HOXC5: variants seen among roughly 807,000 people sequenced by gnomAD.
HOXC5 encodes the protein homeobox C5, also known as homeobox protein Hox-C5.
In HOXC5, 19 loss-of-function variants were observed where a neutral mutation model predicts 20.1. The observed-to-expected ratio is 0.94, with a 90% CI of 0.66 to 1.38. The LOEUF (loss-of-function observed/expected upper bound fraction) is 1.38, where lower values mean the gene tolerates loss of function less well. Ranked by LOEUF, HOXC5 falls within the 40% of genes most tolerant of loss-of-function variation. The pLI is 0.00. For synonymous variants in HOXC5, 124 were observed against 117.0 expected (o/e 1.06, Z -0.39); for missense variants, 330 against 300.1 (o/e 1.10, Z -0.74).
chr12:54,023,927 T>G, the HOXC5 span, among the ~76,000 whole-genome samples: 1 of 152,164 alleles, frequency 6.6e-6, no homozygotes, highest in Non-Finnish European at 1.5e-5. Flanking sequence ...AGGAGGCTCT[T>G]TGCGATCTGA....
chr12:54,029,642 C>G (rs766189183), upstream of HOXC5: 13 of 1,607,570 alleles, frequency 8.1e-6, no homozygotes, highest in South Asian at 1.4e-4. Context: ...GTGTTTTGTG[C>G]CCGGATCTTT....
At position 54,034,499 on chromosome 12, in the gene HOXC5, CG is replaced by C. The variant is rs1941126771; in HGVS notation, c.*12del. ...AAGCAAAGAGGCTCTTTAGAGGCAG[CG>C]GGGGAGGCCCGCAGAGCGCGCCCCT... On this transcript the variant is annotated 3_prime_UTR_variant, in exon 2 of 2. Transcript: ENST00000312492. 1 of 1,609,868 alleles carries C rather than the reference CG, an allele frequency of 6.2e-7. No individual in the cohort carries two copies. Among genetic ancestry groups the C allele is most frequent in the Non-Finnish European group, 8.5e-7 (1 of 1,177,598 alleles).
At chr12:54,032,136 T>C (rs1241449138), upstream of HOXC5, among the ~76,000 whole-genome samples, 1 of 152,234 alleles carries the variant, frequency 6.6e-6, no homozygotes, top group African/African-American at 2.4e-5. Context: ...CTCTAGACCA[T>C]TGTCTGGCTC....
chr12:54,032,764 T>G (rs1350827495), upstream of HOXC5: 3 of 168,506 alleles, frequency 1.8e-5, no homozygotes, highest in African/African-American at 2.4e-5. Flanking sequence ...GCTGTGGGCT[T>G]GTTGTCCCGG....
At chr12:54,028,030 C>G in the HOXC5 span, among the ~76,000 whole-genome samples, 3 of 152,028 alleles carry the variant, frequency 2.0e-5, no homozygotes, top group African/African-American at 7.3e-5. Context: ...GAGTTCTTCC[C>G]TTGGAGAAAT....
the HOXC5 span, among the ~76,000 whole-genome samples, chr12:54,027,399 C>A: frequency 1.3e-5 from 2 of 152,322 alleles, no homozygotes; most frequent in Admixed American, 1.3e-4. Flanking sequence ...CTTGAGCCTG[C>A]AGGAAGCTAA....
upstream of HOXC5, among the ~76,000 whole-genome samples, chr12:54,031,501 T>A (rs1000764885): frequency 1.3e-5 from 2 of 152,166 alleles, no homozygotes; most frequent in Non-Finnish European, 2.9e-5. Context: ...TACTTTTCTC[T>A]CCTCAAACGG....
chr12:54,028,603 T>A, upstream of HOXC5: 1 of 1,613,974 alleles, frequency 6.2e-7, no homozygotes, highest in South Asian at 1.1e-5. Flanking sequence ...CGCCCTCAAT[T>A]CCACCGCCTA....
At chr12:54,019,292 C>T in the HOXC5 span, among the ~76,000 whole-genome samples, 1 of 151,876 alleles carries the variant, frequency 6.6e-6, no homozygotes, top group Non-Finnish European at 1.5e-5. Flanking sequence ...ATGGGCCCAG[C>T]CCGCCGCCTG....
Position 54,034,919 on chromosome 12 carries a change from C to A in HOXC5, c.*427C>A. The A allele has an allele frequency of 4.6e-6, 1 of 216,524 alleles. No individual in the cohort carries two copies. Among genetic ancestry groups the A allele is most frequent in the Non-Finnish European group, 9.4e-6 (1 of 106,680 alleles). 13.4% of individuals were successfully genotyped at this position (216,524 alleles called of 1,614,324 possible). On this transcript the variant is annotated 3_prime_UTR_variant, in exon 2 of 2. Coordinates refer to ENST00000312492, the MANE Select transcript of HOXC5 (RefSeq NM_018953.4). ...ACCTCGCCCTCTCCTTTGTTCCCGG[C>A]TGGACGGGTTAGACAGCCAAAGGCT...
chr12:54,031,830 C>A (rs1176013979), upstream of HOXC5, among the ~76,000 whole-genome samples: 2 of 152,148 alleles, frequency 1.3e-5, no homozygotes, highest in African/African-American at 4.8e-5. Flanking sequence ...GCTGCAGATA[C>A]CCTGCGAAGG....
chr12:54,034,139 C>T (rs1382441097), intron 1 of HOXC5, 139 bp from the exon 2 acceptor site: 3 of 847,184 alleles, frequency 3.5e-6, no homozygotes, highest in Non-Finnish European at 6.0e-6. Flanking sequence ...GCTGGCCCGC[C>T]TGCGGCCCGC....
Position 54,034,287 on chromosome 12 carries a change from G to A in HOXC5, c.464G>A (p.Gly155Asp). The A allele has an allele frequency of 6.2e-7, 1 of 1,613,604 alleles. No individual in the cohort carries two copies. The highest frequency in any genetic ancestry group is 8.5e-7 in the Non-Finnish European group (1 of 1,179,948). The change falls in exon 2 of 2, where the codon GGC becomes GAC. Residue 155 changes from glycine to aspartate, a missense_variant. By Grantham distance (94) the Gly-to-Asp change is moderately conservative (BLOSUM62 -1). Transcript: ENST00000312492. ...TKLHMSHETD[G>D]KRSRTSYTRY... ...GGGGTTTATGTTCCAGAGACGGACG[G>A]CAAGCGGTCCCGAACCAGTTACACG...
chr12:54,033,684 C>A, intron 1 of HOXC5, 108 bp downstream of exon 1: 1 of 951,828 alleles, frequency 1.1e-6, no homozygotes, highest in Non-Finnish European at 1.5e-6. Flanking sequence ...ACGATCCAGG[C>A]ATCAATGGCT....
upstream of HOXC5, chr12:54,028,580 T>A (rs1321885526): frequency 1.2e-6 from 2 of 1,613,854 alleles, no homozygotes; most frequent in Non-Finnish European, 1.7e-6. Flanking sequence ...GGCCAGGACG[T>A]CCTCCCCAAC....
At chr12:54,024,488 A>G in the HOXC5 span, among the ~76,000 whole-genome samples, 1 of 152,138 alleles carries the variant, frequency 6.6e-6, no homozygotes, top group African/African-American at 2.4e-5. Flanking sequence ...AGACAGGGAG[A>G]ACACAACTAA....
the HOXC5 span, among the ~76,000 whole-genome samples, chr12:54,018,125 AGGTGCCCTGCGTTGGGTGGAG>A: frequency 7.2e-6 from 1 of 139,252 alleles, no homozygotes; most frequent in Non-Finnish European, 1.6e-5. Context: ...GAAGGGTGGG[AGGTGCCCTGCGTTGGGTGGAG>A]GGTGGAGGTT....
At position 54,033,093 on chromosome 12, in the gene HOXC5, G is replaced by T. The variant is rs763269683; in HGVS notation, c.-30G>T. ...CACAAATCACCCTTAATCAAAAAGG[G>T]TGCAGAAATTTTTTTGGGCCCTCCC... On this transcript the variant is annotated 5_prime_UTR_variant, in exon 1 of 2. Transcript: ENST00000312492. The T allele has an allele frequency of 6.3e-7, 1 of 1,578,614 alleles. No homozygotes were observed. Among genetic ancestry groups the T allele is most frequent in the Non-Finnish European group, 8.7e-7 (1 of 1,154,178 alleles).
At chr12:54,018,653 C>T in the HOXC5 span, among the ~76,000 whole-genome samples, 2 of 152,220 alleles carry the variant, frequency 1.3e-5, no homozygotes, top group African/African-American at 4.8e-5. Flanking sequence ...GCCCTGCTCC[C>T]CGGCCTGGGT....
Sources: gnomAD v4.1 joint callset for allele counts (sites outside exome capture counted in the v4.1 genomes callset) on GRCh38, gnomAD v4.1.1 for gene constraint, MANE v1.5 for transcripts, NCBI Gene and HGNC (gene_info 2026-07-23, HGNC 2026-07-21) for gene names.